THSD7B: variants seen among roughly 807,000 people sequenced by gnomAD.
The protein encoded by THSD7B is thrombospondin type 1 domain containing 7B, also known as thrombospondin type-1 domain-containing protein 7B.
Under a neutral mutation model 213.6 loss-of-function variants are expected in THSD7B, and 138 were observed. The ratio of observed to expected loss-of-function variants is 0.65; its 90% CI spans 0.56 to 0.74. The LOEUF is 0.74. THSD7B is among the 30% of genes least tolerant of loss of function. The pLI, the probability that THSD7B is intolerant of heterozygous loss-of-function variation, is 0.00. For missense variants in THSD7B, 1,931 were observed against 1,991.5 expected, an observed-to-expected ratio of 0.97 and a Z score of 0.58; for synonymous variants, 742 against 687.0, an observed-to-expected ratio of 1.08 and a Z score of -1.25.
At chr2:137,447,504 T>A (rs748676908) in intron 14 of THSD7B, among the ~76,000 whole-genome samples, 2 of 152,178 alleles carry the variant, frequency 1.3e-5, no homozygotes, top group Non-Finnish European at 1.5e-5. Context: ...AATGAAGTAA[T>A]GTTGTGACTT....
intron 2 of THSD7B, among the ~76,000 whole-genome samples, chr2:136,958,747 G>A (rs191696381): frequency 8.9e-4 from 136 of 152,294 alleles, no homozygotes; most frequent in Admixed American, 1.3e-3. Flanking sequence ...CAGGAGGGAG[G>A]TTTCAGTTGA....
chr2:137,215,275 GTTGT>G (rs1310919282), intron 7 of THSD7B, among the ~76,000 whole-genome samples: 4 of 152,140 alleles, frequency 2.6e-5, no homozygotes, highest in Non-Finnish European at 5.9e-5. Context: ...TTTTGATGGG[GTTGT>G]TTGTTTGTTT....
chr2:137,137,944 G>A (rs949932739), intron 5 of THSD7B, among the ~76,000 whole-genome samples: 1 of 152,026 alleles, frequency 6.6e-6, no homozygotes, highest in Non-Finnish European at 1.5e-5. Context: ...TGTTGCTCAG[G>A]CTGGAATGCA....
chr2:137,405,565 G>T (rs1686496761), intron 12 of THSD7B, 48 bp from the exon 13 acceptor site: 1 of 1,519,330 alleles, frequency 6.6e-7, no homozygotes. Flanking sequence ...ACCAGCAGCT[G>T]ACTGATTTAA....
intron 2 of THSD7B, among the ~76,000 whole-genome samples, chr2:137,022,096 G>T (rs943284414): frequency 1.3e-5 from 2 of 152,140 alleles, no homozygotes; most frequent in African/African-American, 4.8e-5. Context: ...CCTGATGAAA[G>T]ACATCTGTGT....
intron 7 of THSD7B, among the ~76,000 whole-genome samples, chr2:137,216,592 C>T (rs1239776372): frequency 2.0e-5 from 3 of 152,238 alleles, no homozygotes; most frequent in East Asian, 3.9e-4. Context: ...GAATCTGAAA[C>T]GGGTGCCCCA....
chr2:136,963,396 G>T (rs1257039644), intron 2 of THSD7B, among the ~76,000 whole-genome samples: 1 of 152,178 alleles, frequency 6.6e-6, no homozygotes, highest in Non-Finnish European at 1.5e-5. Context: ...GGGTGCCAGG[G>T]CTTAGGGAGG....
At chr2:137,216,471 A>G (rs1381760615) in intron 7 of THSD7B, among the ~76,000 whole-genome samples, 1 of 152,006 alleles carries the variant, frequency 6.6e-6, no homozygotes, top group African/African-American at 2.4e-5. Flanking sequence ...CAGGCTTGAG[A>G]TTTTAGGTAC....
chr2:136,983,377 A>T (rs4954457), intron 2 of THSD7B, among the ~76,000 whole-genome samples: 5 of 146,410 alleles, frequency 3.4e-5, no homozygotes, highest in African/African-American at 7.9e-5. Flanking sequence ...ACACGCACAC[A>T]CACTCACTCT....
chr2:137,007,926 G>A (rs1157010753), intron 2 of THSD7B, among the ~76,000 whole-genome samples: 1 of 151,954 alleles, frequency 6.6e-6, no homozygotes, highest in Non-Finnish European at 1.5e-5. Context: ...ATAAAACATG[G>A]ACAAATATGT....
chr2:136,977,361 C>A (rs1294462844), intron 2 of THSD7B, among the ~76,000 whole-genome samples: 1 of 151,824 alleles, frequency 6.6e-6, no homozygotes, highest in African/African-American at 2.4e-5. Context: ...GCAGTCTATT[C>A]TTTTTTATTA....
chr2:137,441,224 G>A (rs1179036150), intron 14 of THSD7B, among the ~76,000 whole-genome samples: 18 of 151,946 alleles, frequency 1.2e-4, no homozygotes, highest in Admixed American at 7.2e-4. Flanking sequence ...TCTTAATCAG[G>A]TGCTCTGATC....
rs557552710 is a variant in THSD7B at position 136,841,328 on chromosome 2, G to A, written c.-35-40816G>A. On this transcript the variant is annotated intron_variant, in intron 1 of 27. Transcript: ENST00000409968. ...AAATGAAAAAAGACCGGGCGCAGTGGCTCATGACGGTAATCCCAGCACTTT... is the reference window on the plus strand; with the variant it reads ...AAATGAAAAAAGACCGGGCGCAGTGACTCATGACGGTAATCCCAGCACTTT... Among the ~76,000 whole-genome samples the A allele has an allele frequency of 3.3e-5, 5 of 152,170 alleles. No homozygotes were observed. In the East Asian group the frequency reaches 9.7e-4, roughly 29 times the overall value.
Position 137,125,201 on chromosome 2 carries a change from CT to C in THSD7B, c.1369+9910del, listed in dbSNP as rs1452834200. ...AGGAAATTGTCTGTTTCAATTGACT[CT>C]TCCTTATACGACAGATTTCTCTGTA... On this transcript the variant is annotated intron_variant, in intron 5 of 27. Transcript: ENST00000409968. Among the ~76,000 whole-genome samples the C allele has an allele frequency of 5.3e-5, 8 of 152,302 alleles. No individual in the cohort carries two copies. In the South Asian group the frequency reaches 8.3e-4, roughly 16 times the overall value.
chr2:136,986,202 T>C (rs996994368), intron 2 of THSD7B, among the ~76,000 whole-genome samples: 1 of 152,118 alleles, frequency 6.6e-6, no homozygotes, highest in Non-Finnish European at 1.5e-5. Context: ...AGGGGGGGAC[T>C]ATTACTAAGG....
chr2:136,781,822 G>A (rs1681748782), intron 1 of THSD7B, among the ~76,000 whole-genome samples: 3 of 151,948 alleles, frequency 2.0e-5, no homozygotes, highest in South Asian at 2.1e-4. Flanking sequence ...CATGGCTCTC[G>A]CTACCCTTTG....
intron 15 of THSD7B, among the ~76,000 whole-genome samples, chr2:137,504,497 T>C (rs924251960): frequency 6.6e-6 from 1 of 152,202 alleles, no homozygotes; most frequent in Non-Finnish European, 1.5e-5. Context: ...ATGTCCAAAA[T>C]AGCAGCAAGT....
intron 1 of THSD7B, among the ~76,000 whole-genome samples, chr2:136,865,428 G>A (rs1683317989): frequency 6.6e-6 from 1 of 152,202 alleles, no homozygotes; most frequent in African/African-American, 2.4e-5. Context: ...TTTGGACTGG[G>A]CTGCTTGGTG....
intron 5 of THSD7B, among the ~76,000 whole-genome samples, chr2:137,129,893 T>C (rs1688697703): frequency 6.6e-6 from 1 of 152,224 alleles, no homozygotes; most frequent in African/African-American, 2.4e-5. Context: ...TCATCACTGT[T>C]TTCTAATGAG....
Sources: gnomAD v4.1 joint callset for allele counts (sites outside exome capture counted in the v4.1 genomes callset) on GRCh38, gnomAD v4.1.1 for gene constraint, MANE v1.5 for transcripts, NCBI Gene and HGNC (gene_info 2026-07-23, HGNC 2026-07-21) for gene names.